The following TTC28 variants were observed in gnomAD, a reference collection of about 807,000 sequenced individuals.
TTC28 encodes the protein tetratricopeptide repeat domain 28, also known as tetratricopeptide repeat protein 28.
Under a neutral mutation model 198.0 loss-of-function variants are expected in TTC28, and 61 were observed. The observed-to-expected ratio is 0.31, with a 90% confidence interval of 0.25 to 0.38. TTC28 has a LOEUF of 0.38. Among genes scored for constraint, TTC28 ranks in the 10% least tolerant of loss-of-function variants. TTC28 has a pLI of 1.00. For missense variants in TTC28, 2,678 were observed against 3,164.0 expected (o/e 0.85, Z 3.69); for synonymous variants, 1,171 against 1,297.8 (o/e 0.90, Z 2.10).
intron 5 of TTC28, among the ~76,000 whole-genome samples, chr22:28,255,110 G>A (rs997307590): frequency 1.3e-5 from 2 of 152,104 alleles, no homozygotes; most frequent in African/African-American, 2.4e-5. Context: ...AGCAAATGCA[G>A]AGCCATTTTG....
At chr22:28,006,356 T>G (rs1302669357) in intron 14 of TTC28, among the ~76,000 whole-genome samples, 2 of 152,236 alleles carry the variant, frequency 1.3e-5, no homozygotes, top group African/African-American at 4.8e-5. Flanking sequence ...GGCACTGGTG[T>G]GCACTCCAGA....
intron 5 of TTC28, among the ~76,000 whole-genome samples, chr22:28,164,579 G>C (rs888065976): frequency 1.3e-5 from 2 of 152,172 alleles, no homozygotes; most frequent in Admixed American, 6.5e-5. Flanking sequence ...CTGCAGCTGA[G>C]GGTCCTGACT....
At chr22:28,565,937 T>C (rs1039702312) in intron 2 of TTC28, among the ~76,000 whole-genome samples, 2 of 152,176 alleles carry the variant, frequency 1.3e-5, no homozygotes, top group African/African-American at 4.8e-5. Flanking sequence ...CATTTATCCC[T>C]AGTAGGTAAA....
At chr22:28,563,663 T>C (rs144496427) in intron 2 of TTC28, among the ~76,000 whole-genome samples, 142 of 152,204 alleles carry the variant, frequency 9.3e-4, no homozygotes, top group African/African-American at 3.3e-3. Flanking sequence ...AAAGTGTTGG[T>C]TATGGAGAAA....
intron 5 of TTC28, among the ~76,000 whole-genome samples, chr22:28,283,316 T>C (rs2044619673): frequency 8.0e-6 from 1 of 125,100 alleles, no homozygotes; most frequent in Non-Finnish European, 1.9e-5. Context: ...AACTACATTC[T>C]TTCTCTCTTA....
chr22:28,299,200 C>T (rs1224680368), intron 3 of TTC28, among the ~76,000 whole-genome samples: 1 of 151,754 alleles, frequency 6.6e-6, no homozygotes, highest in Admixed American at 6.6e-5. Context: ...TATTAGCTTT[C>T]CTGAAAAACT....
intron 5 of TTC28, among the ~76,000 whole-genome samples, chr22:28,282,056 A>G (rs1270110547): frequency 6.6e-6 from 1 of 152,198 alleles, no homozygotes; most frequent in East Asian, 1.9e-4. Flanking sequence ...ACACTCTTAC[A>G]AAACCAAACA....
chr22:28,147,810 T>C (rs1215455192), intron 6 of TTC28, among the ~76,000 whole-genome samples: 1 of 152,258 alleles, frequency 6.6e-6, no homozygotes, highest in Non-Finnish European at 1.5e-5. Flanking sequence ...TCATTATTAT[T>C]GTGACTTCTA....
intron 1 of TTC28, among the ~76,000 whole-genome samples, chr22:28,638,729 A>G (rs1260037884): frequency 6.6e-6 from 1 of 152,254 alleles, no homozygotes; most frequent in Non-Finnish European, 1.5e-5. Context: ...AAGAAAATTA[A>G]AACTTAAAGA....
intron 1 of TTC28, among the ~76,000 whole-genome samples, chr22:28,661,014 G>A (rs1601675230): frequency 1.3e-5 from 2 of 152,022 alleles, no homozygotes; most frequent in African/African-American, 2.4e-5. Flanking sequence ...GCCAGCCGCA[G>A]TGGCTTACAC....
chr22:28,411,038 T>C (rs2047073423), intron 2 of TTC28, among the ~76,000 whole-genome samples: 1 of 133,712 alleles, frequency 7.5e-6, no homozygotes, highest in Admixed American at 7.6e-5. Flanking sequence ...TCATTTTTAT[T>C]CAATTCCTTT....
chr22:28,262,539 T>C (rs1199281215), intron 5 of TTC28, among the ~76,000 whole-genome samples: 1 of 152,172 alleles, frequency 6.6e-6, no homozygotes, highest in Non-Finnish European at 1.5e-5. Flanking sequence ...ATAATATTTC[T>C]TAGTCACTGA....
chr22:28,423,846 T>C (rs1168197996), intron 2 of TTC28, among the ~76,000 whole-genome samples: 1 of 152,206 alleles, frequency 6.6e-6, no homozygotes, highest in Non-Finnish European at 1.5e-5. Flanking sequence ...TGTTCACTCA[T>C]TAAACAACTT....
chr22:28,616,940 T>C (rs761983475), intron 2 of TTC28, among the ~76,000 whole-genome samples: 1 of 152,150 alleles, frequency 6.6e-6, no homozygotes, highest in Admixed American at 6.5e-5. Context: ...TATTTTATCA[T>C]GTACTTTAAA....
intron 18 of TTC28, chr22:27,992,985 C>T: frequency 1.8e-6 from 1 of 562,512 alleles, no homozygotes; most frequent in South Asian, 2.3e-5. Context: ...GGGGCCACAG[C>T]TGCTGATGAC....
intron 5 of TTC28, among the ~76,000 whole-genome samples, chr22:28,226,327 T>C (rs1928336766): frequency 6.6e-6 from 1 of 152,316 alleles, no homozygotes; most frequent in East Asian, 1.9e-4. Flanking sequence ...TTTTTAATTT[T>C]AGCCATTCTA....
At chr22:28,645,626 CAAA>C (rs555638293) in intron 1 of TTC28, among the ~76,000 whole-genome samples, 7 of 76,126 alleles carry the variant, frequency 9.2e-5, no homozygotes, top group Admixed American at 1.5e-4. Flanking sequence ...GACTACATCT[CAAA>C]AAAAAAAAAA....
intron 2 of TTC28, among the ~76,000 whole-genome samples, chr22:28,499,089 G>A (rs910490702): frequency 3.9e-5 from 6 of 152,094 alleles, no homozygotes; most frequent in South Asian, 2.1e-4. Context: ...GAGGTTGGGG[G>A]ATTGTTTGAG....
intron 2 of TTC28, among the ~76,000 whole-genome samples, chr22:28,370,665 G>A (rs1782992229): frequency 6.6e-6 from 1 of 151,970 alleles, no homozygotes. Context: ...TCAGAAGAAA[G>A]GTAAAGATAC....
Sources: gnomAD v4.1 joint callset for allele counts (sites outside exome capture counted in the v4.1 genomes callset) on GRCh38, gnomAD v4.1.1 for gene constraint, MANE v1.5 for transcripts, NCBI Gene and HGNC (gene_info 2026-07-23, HGNC 2026-07-21) for gene names.